LRRIQ3: variants seen among roughly 807,000 people sequenced by gnomAD.
LRRIQ3 encodes leucine-rich repeat and IQ domain-containing protein 3.
LRRIQ3 carries 75 observed loss-of-function variants against 59.3 expected under a neutral mutation model. The ratio of observed to expected loss-of-function variants is 1.26; its 90% CI spans 1.05 to 1.53. LRRIQ3 has a LOEUF of 1.53. LRRIQ3 is among the 40% of genes most tolerant of loss of function. The pLI is 0.00. For missense variants in LRRIQ3, 831 were observed against 710.0 expected (o/e 1.17, Z -1.94); for synonymous variants, 250 against 231.3 (o/e 1.08, Z -0.73).
At chr1:74,045,996 T>C (rs1289893624) in intron 6 of LRRIQ3, among the ~76,000 whole-genome samples, 1 of 152,074 alleles carries the variant, frequency 6.6e-6, no homozygotes, top group African/African-American at 2.4e-5. Context: ...TCCTCATGGA[T>C]AGGAAGAATG....
rs1409194659 is a variant in LRRIQ3 at position 74,041,233 on chromosome 1, A to T, written c.1698T>A (p.Leu566=). Residue 566 remains leucine (L), a synonymous_variant, in exon 7 of 8, where the codon CTT becomes CTA. Transcript: ENST00000354431. The part of the protein sequence containing the change: ...LKAEKYRKNL[L]KEMKKVRSQE... ...CCTACCTAACTTTTTTCATTTCTTT[A>T]AGTAAATTCTTTCTATATTTTTCTG... 3 of 1,579,050 alleles carry T rather than the reference A, an allele frequency of 1.9e-6. No homozygotes were observed. Among genetic ancestry groups the T allele is most frequent in the Admixed American group, 3.8e-5 (2 of 52,640 alleles).
intron 4 of LRRIQ3, among the ~76,000 whole-genome samples, chr1:74,132,296 G>A (rs541932881): frequency 6.6e-6 from 1 of 152,186 alleles, no homozygotes; most frequent in East Asian, 1.9e-4. Flanking sequence ...TGGCCATATT[G>A]CCCAAGGTAA....
intron 4 of LRRIQ3, among the ~76,000 whole-genome samples, chr1:74,147,450 T>C (rs1051642359): frequency 7.9e-5 from 12 of 152,178 alleles, no homozygotes; most frequent in Non-Finnish European, 1.6e-4. Flanking sequence ...ACCCAATTAA[T>C]TTGATGTTTG....
chr1:74,195,293 G>C (rs1250038661), intron 1 of LRRIQ3, among the ~76,000 whole-genome samples: 1 of 152,166 alleles, frequency 6.6e-6, no homozygotes, highest in Non-Finnish European at 1.5e-5. Context: ...AACAAGTACA[G>C]CCCTAGCTTG....
intron 5 of LRRIQ3, among the ~76,000 whole-genome samples, chr1:74,093,557 G>T (rs1160585982): frequency 6.6e-6 from 1 of 152,064 alleles, no homozygotes; most frequent in African/African-American, 2.4e-5. Context: ...GAAGCAGACT[G>T]GACATCTACC....
intron 3 of LRRIQ3, among the ~76,000 whole-genome samples, chr1:74,166,930 TAATA>T (rs2100691292): frequency 6.6e-6 from 1 of 151,768 alleles, no homozygotes; most frequent in South Asian, 2.1e-4. Context: ...AGAATGGCCA[TAATA>T]AAAAAATAAT....
At chr1:74,044,866 A>C (rs1015410927) in intron 6 of LRRIQ3, among the ~76,000 whole-genome samples, 4 of 152,208 alleles carry the variant, frequency 2.6e-5, no homozygotes, top group Middle Eastern at 3.2e-3. Context: ...ATCTAGAAGG[A>C]ATGGATAAAT....
At chr1:74,098,607 C>T (rs993175540) in intron 5 of LRRIQ3, among the ~76,000 whole-genome samples, 6 of 152,118 alleles carry the variant, frequency 3.9e-5, no homozygotes, top group Non-Finnish European at 7.4e-5. Flanking sequence ...ATACATTCTT[C>T]TCAGTACCAC....
At chr1:74,119,835 A>G (rs1199165864) in intron 4 of LRRIQ3, among the ~76,000 whole-genome samples, 1 of 152,080 alleles carries the variant, frequency 6.6e-6, no homozygotes, top group African/African-American at 2.4e-5. Flanking sequence ...GTGGCCTAAA[A>G]GTAATTTTTA....
chr1:74,159,544 T>C (rs1182018020), intron 3 of LRRIQ3, among the ~76,000 whole-genome samples: 1 of 152,176 alleles, frequency 6.6e-6, no homozygotes, highest in African/African-American at 2.4e-5. Context: ...TTTAAACTTT[T>C]CTTAGTCTGT....
At chr1:74,051,835 T>A (rs1311736529) in intron 6 of LRRIQ3, among the ~76,000 whole-genome samples, 2 of 152,292 alleles carry the variant, frequency 1.3e-5, no homozygotes, top group East Asian at 3.9e-4. Flanking sequence ...ATTTGCCTTT[T>A]ATACAGTTTG....
Position 74,186,616 on chromosome 1 carries a change from G to A in LRRIQ3, c.1-2932C>T, listed in dbSNP as rs1650395464. Among the ~76,000 whole-genome samples the A allele has an allele frequency of 2.6e-5, 4 of 152,204 alleles. No individual in the cohort carries two copies. In the South Asian group the frequency reaches 8.3e-4, roughly 32 times the overall value. ...TATAATAAGGGAATTGGTATGATTG[G>A]CACTATTGCCTCACTTGAAAACTTC... On this transcript the variant is annotated intron_variant, in intron 1 of 7. Coordinates refer to ENST00000354431, the MANE Select transcript of LRRIQ3 (RefSeq NM_001105659.2).
intron 4 of LRRIQ3, among the ~76,000 whole-genome samples, chr1:74,139,126 G>GTATATA (rs61625595): frequency 1.1e-4 from 16 of 148,952 alleles, no homozygotes; most frequent in African/African-American, 4.0e-4. Flanking sequence ...ATGTGTGTGT[G>GTATATA]TATATATATA....
Position 74,041,712 on chromosome 1 carries a change from ACT to A in LRRIQ3, c.1217_1218del (p.Glu406ValfsTer15), listed in dbSNP as rs763245849. 6.2e-6 allele frequency: 10 copies of A among 1,611,804 alleles called. No individual in the cohort carries two copies. In the South Asian group the frequency reaches 1.1e-4, roughly 18 times the overall value. The stretch of plus-strand genomic sequence containing the variant: ...ATACCAGCTCTTTGTGGTGCAAAAA[ACT>A]CTTTCATACTCCGCTCCAATCGTAT... ...KDIRLERSMK[E>X]FFAPQRAGMK... On this transcript the variant is annotated frameshift_variant, in exon 7 of 8. Transcript: ENST00000354431. LOFTEE classifies it high-confidence loss of function.
chr1:74,071,822 T>A (rs2100471478), intron 6 of LRRIQ3, among the ~76,000 whole-genome samples: 1 of 152,264 alleles, frequency 6.6e-6, no homozygotes, highest in East Asian at 1.9e-4. Flanking sequence ...GGGGCCAAAC[T>A]GGGACATGTA....
chr1:74,101,269 G>A (rs141194693), intron 5 of LRRIQ3, among the ~76,000 whole-genome samples: 14 of 151,946 alleles, frequency 9.2e-5, no homozygotes, highest in African/African-American at 2.9e-4. Flanking sequence ...AACACTTCTC[G>A]AAAGAAGACA....
intron 3 of LRRIQ3, among the ~76,000 whole-genome samples, chr1:74,163,873 C>A (rs76420282): frequency 0.011 from 1,676 of 151,470 alleles, 36 homozygotes; most frequent in African/African-American, 0.039. Flanking sequence ...TATTTTCCTA[C>A]CAGTTTTGCT....
At chr1:74,191,873 T>C (rs1650787893) in intron 1 of LRRIQ3, among the ~76,000 whole-genome samples, 1 of 152,048 alleles carries the variant, frequency 6.6e-6, no homozygotes, top group Non-Finnish European at 1.5e-5. Flanking sequence ...TTCTAGAACT[T>C]GAAAAAGAGC....
At chr1:74,114,618 C>T (rs1646752461) in intron 4 of LRRIQ3, among the ~76,000 whole-genome samples, 1 of 151,822 alleles carries the variant, frequency 6.6e-6, no homozygotes, top group African/African-American at 2.4e-5. Context: ...CACCTGTAGT[C>T]CCAGCTACTC....
Sources: gnomAD v4.1 joint callset for allele counts (sites outside exome capture counted in the v4.1 genomes callset) on GRCh38, gnomAD v4.1.1 for gene constraint, MANE v1.5 for transcripts, NCBI Gene and HGNC (gene_info 2026-07-23, HGNC 2026-07-21) for gene names.